CHRM3: variants seen among roughly 807,000 people sequenced by gnomAD.
CHRM3 encodes cholinergic receptor muscarinic 3, also known as muscarinic acetylcholine receptor M3.
In CHRM3, 11 loss-of-function variants were observed where a neutral mutation model predicts 41.8. The ratio of observed to expected loss-of-function variants is 0.26; its 90% CI spans 0.17 to 0.44. The LOEUF (loss-of-function observed/expected upper bound fraction) is 0.44, where lower values mean the gene tolerates loss of function less well. Among genes scored for constraint, CHRM3 ranks in the 20% least tolerant of loss-of-function variants. The pLI, the probability that CHRM3 is intolerant of heterozygous loss-of-function variation, is 1.00. For synonymous variants in CHRM3, 297 were observed against 301.4 expected, an observed-to-expected ratio of 0.99 and a Z score of 0.15; for missense variants, 571 against 745.4, an observed-to-expected ratio of 0.77 and a Z score of 2.72.
chr1:239,608,992 A>G (rs1032678641), intron 3 of CHRM3, among the ~76,000 whole-genome samples: 1 of 152,192 alleles, frequency 6.6e-6, no homozygotes. Context: ...TAATTGATAT[A>G]CTATATACTG....
intron 1 of CHRM3, among the ~76,000 whole-genome samples, chr1:239,478,127 A>C (rs1666588783): frequency 6.6e-6 from 1 of 152,238 alleles, no homozygotes; most frequent in Non-Finnish European, 1.5e-5. Context: ...CAAAAGAAAT[A>C]TCTGGAGTCT....
chr1:239,522,478 C>T (rs916893853), intron 2 of CHRM3, among the ~76,000 whole-genome samples: 1 of 152,210 alleles, frequency 6.6e-6, no homozygotes, highest in Non-Finnish European at 1.5e-5. Context: ...CCAAACTCTT[C>T]CTAAGTCCTG....
At position 239,748,024 on chromosome 1, in the gene CHRM3, ACT is replaced by A. The variant is rs774062660; in HGVS notation, c.-147+69739_-147+69740del. Among the ~76,000 whole-genome samples the A allele has an allele frequency of 4.6e-5, 7 of 152,120 alleles. No homozygotes were observed. The highest frequency in any genetic ancestry group is 1.2e-4 in the African/African-American group (5 of 41,418). On this transcript the variant is annotated intron_variant, in intron 5 of 6. Coordinates refer to ENST00000676153, the MANE Select transcript of CHRM3 (RefSeq NM_001375978.1). This position sits in a 1 kb window ranked among gnomAD's most constrained non-coding sequence, Gnocchi z 4.3. Reference sequence around the variant, plus strand: ...GACTCCAGCCTGGACGACAGGTGAGACTCTGTCTCAAAAAATAAACACTGATA... The same window carrying A: ...GACTCCAGCCTGGACGACAGGTGAGACTGTCTCAAAAAATAAACACTGATA...
At chr1:239,499,799 T>C (rs1291809212) in intron 2 of CHRM3, among the ~76,000 whole-genome samples, 1 of 152,130 alleles carries the variant, frequency 6.6e-6, no homozygotes, top group Non-Finnish European at 1.5e-5. Context: ...GCAGAAACCC[T>C]ACAAGCTAGA....
intron 5 of CHRM3, among the ~76,000 whole-genome samples, chr1:239,784,079 C>T (rs1473955896): frequency 6.6e-6 from 1 of 152,168 alleles, no homozygotes; most frequent in African/African-American, 2.4e-5. Flanking sequence ...CAAGATTCAT[C>T]AGTTCTATAA....
At chr1:239,445,942 C>CT (rs201130618) in intron 1 of CHRM3, among the ~76,000 whole-genome samples, 2,815 of 146,510 alleles carry the variant, frequency 0.019, 35 homozygotes, top group Middle Eastern at 0.029. Context: ...ATGGTGTGCA[C>CT]TTTTTTTTTT....
chr1:239,568,521 C>G (rs1203889129), intron 3 of CHRM3, among the ~76,000 whole-genome samples: 1 of 152,164 alleles, frequency 6.6e-6, no homozygotes, highest in African/African-American at 2.4e-5. Context: ...ATTACCCAGT[C>G]TCGGGTATGC....
Position 239,545,500 on chromosome 1 carries a change from G to A in CHRM3, c.-421-141G>A, listed in dbSNP as rs185729047. 3.3e-5 allele frequency: 5 copies of A among 152,276 alleles called. 1 individual carries two copies. Among genetic ancestry groups the A allele is most frequent in the African/African-American group, 9.6e-5 (4 of 41,562 alleles). The allele number at this position is 152,276 out of a possible 1,614,324, so 9.4% of individuals were successfully genotyped here. On this transcript the variant is annotated intron_variant, in intron 2 of 6. Coordinates refer to ENST00000676153, the MANE Select transcript of CHRM3 (RefSeq NM_001375978.1). Reference sequence around the variant, plus strand: ...AAAACAGCAACAATAGAGGTATGTAGGTTAAGGTCTTTCTGTTGGGTTGCT... The same window carrying A: ...AAAACAGCAACAATAGAGGTATGTAAGTTAAGGTCTTTCTGTTGGGTTGCT...
chr1:239,800,539 G>A (rs1670128756), intron 5 of CHRM3, among the ~76,000 whole-genome samples: 1 of 152,214 alleles, frequency 6.6e-6, no homozygotes, highest in African/African-American at 2.4e-5. Context: ...CCTCCTGGGT[G>A]ATTCAATCAC....
intron 3 of CHRM3, among the ~76,000 whole-genome samples, chr1:239,582,431 CAG>C (rs1312953857): frequency 1.1e-4 from 16 of 152,200 alleles, no homozygotes; most frequent in Admixed American, 9.2e-4. Flanking sequence ...ACTGTGCACT[CAG>C]GGGTTACACT....
chr1:239,636,710 T>C (rs1312826462), intron 4 of CHRM3, among the ~76,000 whole-genome samples: 1 of 152,210 alleles, frequency 6.6e-6, no homozygotes, highest in Admixed American at 6.5e-5. Context: ...AAAAATCTGT[T>C]TTTAAAATTG....
intron 4 of CHRM3, among the ~76,000 whole-genome samples, chr1:239,641,844 C>T (rs1671192094): frequency 7.8e-6 from 1 of 127,758 alleles, no homozygotes; most frequent in South Asian, 2.7e-4. Flanking sequence ...TTAGTTGATG[C>T]AGTTTCTTCC....
At chr1:239,760,891 A>G (rs978589782) in intron 5 of CHRM3, among the ~76,000 whole-genome samples, 1 of 152,108 alleles carries the variant, frequency 6.6e-6, no homozygotes, top group Non-Finnish European at 1.5e-5. Context: ...AGCTTCTTGA[A>G]TCTATGCGCT....
chr1:239,510,041 A>T (rs147114296), intron 2 of CHRM3, among the ~76,000 whole-genome samples: 1,970 of 152,324 alleles, frequency 0.013, 36 homozygotes, highest in African/African-American at 0.045. Context: ...GTGGGCCGAG[A>T]TCATGCCACT....
intron 5 of CHRM3, among the ~76,000 whole-genome samples, chr1:239,698,962 G>A (rs1660435319): frequency 6.6e-6 from 1 of 152,066 alleles, no homozygotes; most frequent in South Asian, 2.1e-4. Context: ...TTCTAAAACT[G>A]TATATACATT....
intron 6 of CHRM3, among the ~76,000 whole-genome samples, chr1:239,847,128 C>A (rs1344560153): frequency 6.6e-6 from 1 of 152,218 alleles, no homozygotes; most frequent in Non-Finnish European, 1.5e-5. Context: ...CCACCCATCA[C>A]ATCTGTATTC....
intron 5 of CHRM3, among the ~76,000 whole-genome samples, chr1:239,684,538 T>G (rs1658884641): frequency 6.7e-6 from 1 of 150,088 alleles, no homozygotes. Flanking sequence ...TACTAAAAAA[T>G]GCAAAAAAAT....
chr1:239,478,097 C>T (rs1163998325), intron 1 of CHRM3, among the ~76,000 whole-genome samples: 2 of 152,126 alleles, frequency 1.3e-5, no homozygotes, highest in Non-Finnish European at 2.9e-5. Context: ...AATGTGGAAA[C>T]CAGTTGAGTG....
intron 2 of CHRM3, among the ~76,000 whole-genome samples, chr1:239,523,332 T>C (rs1457316940): frequency 6.6e-6 from 1 of 152,196 alleles, no homozygotes; most frequent in African/African-American, 2.4e-5. Flanking sequence ...CTAGTATTTA[T>C]ATATTTTATA....
Sources: allele counts gnomAD v4.1 joint callset (sites outside exome capture counted in the v4.1 genomes callset), GRCh38; gene constraint gnomAD v4.1.1; non-coding constraint Gnocchi (gnomAD v3.1); transcripts MANE v1.5; gene names NCBI Gene and HGNC (gene_info 2026-07-23, HGNC 2026-07-21).